DENND5A: variants seen among roughly 807,000 people sequenced by gnomAD.
DENND5A encodes the protein DENN domain containing 5A.
A neutral mutation model predicts 140.3 loss-of-function variants in DENND5A; 64 were observed. That is an observed-to-expected ratio of 0.46 (90% CI 0.37 to 0.56). The LOEUF is 0.56. Among genes scored for constraint, DENND5A ranks in the 20% least tolerant of loss-of-function variants. The pLI, the probability that DENND5A is intolerant of heterozygous loss-of-function variation, is 0.00. For synonymous variants in DENND5A, 605 were observed against 607.7 expected, an observed-to-expected ratio of 1.00 and a Z score of 0.07; for missense variants, 1,292 against 1,593.8, an observed-to-expected ratio of 0.81 and a Z score of 3.22.
chr11:9,243,087 CAAAAAAAAAA>C (rs539119487), intron 1 of DENND5A, among the ~76,000 whole-genome samples: 4 of 66,882 alleles, frequency 6.0e-5, no homozygotes, highest in Non-Finnish European at 1.0e-4. Context: ...GACTCTGTCT[CAAAAAAAAAA>C]AAAAAAACAA....
At position 9,142,074 on chromosome 11, in the gene DENND5A, C is replaced by T. The variant is rs1295270066; in HGVS notation, c.3546G>A (p.Lys1182=). The T allele has an allele frequency of 6.2e-7, 1 of 1,602,590 alleles. No individual in the cohort carries two copies. Among genetic ancestry groups the T allele is most frequent in the Non-Finnish European group, 8.5e-7 (1 of 1,174,810 alleles). The change falls in exon 22 of 23, where the codon AAG becomes AAA. Residue 1182 remains lysine (K), a synonymous_variant. Coordinates refer to ENST00000328194, the MANE Select transcript of DENND5A (RefSeq NM_015213.4). The stretch of plus-strand genomic sequence containing the variant: ...AGTTTTCCTCAGGGACTACTTCATT[C>T]TTCTCTAATGTCTCATAATAGGTTT... The part of the protein sequence containing the change: ...KAQTYYETLE[K]NEVVPEENWH...
In DENND5A at chr11:9,165,965, C is replaced by T. The variant is rs780672339; in HGVS notation, c.2154G>A (p.Lys718=). The T allele has an allele frequency of 6.2e-7, 1 of 1,614,060 alleles. No individual in the cohort carries two copies. ...HLRLDNDQRE[K]YIQEARTMGS... is the part of the protein sequence containing the mutation. ...CCATAGTCCTGGCTTCCTGGATGTA[C>T]TTCTATATCAAACAGAAAAATAAAG... Residue 718 remains lysine, a splice_region_variant and synonymous_variant, in exon 11 of 23, where the codon AAG becomes AAA. Transcript: ENST00000328194.
At position 9,226,121 on chromosome 11, in the gene DENND5A, T is replaced by C. The variant is rs1850519536; in HGVS notation, c.110-18489A>G. On this transcript the variant is annotated intron_variant, in intron 1 of 22. Transcript: ENST00000328194. ...ATCATTATCATCATCATCATCACCA[T>C]TATCATCAATCAGGTCTTTTTCTAA... Among the ~76,000 whole-genome samples, 4 of 152,184 alleles carry C rather than the reference T, an allele frequency of 2.6e-5. No homozygotes were observed. The South Asian group carries it at 6.2e-4, about 24-fold the overall frequency.
chr11:9,241,603 C>G (rs1041086724), intron 1 of DENND5A, among the ~76,000 whole-genome samples: 3 of 152,206 alleles, frequency 2.0e-5, no homozygotes, highest in Admixed American at 6.5e-5. Context: ...CGCACAGGCT[C>G]TTCTCTCTGC....
intron 10 of DENND5A, among the ~76,000 whole-genome samples, chr11:9,167,550 A>G (rs1316884970): frequency 6.6e-6 from 1 of 151,576 alleles, no homozygotes; most frequent in African/African-American, 2.4e-5. Context: ...CACTGAGGCG[A>G]GTGGATCACT....
intron 1 of DENND5A, among the ~76,000 whole-genome samples, chr11:9,250,442 A>G (rs1250500782): frequency 6.6e-6 from 1 of 152,184 alleles, no homozygotes; most frequent in Non-Finnish European, 1.5e-5. Flanking sequence ...CTCTACTGCA[A>G]TGTGGGCTGG....
At chr11:9,153,344 C>CAAAAAAAAAAAA (rs59736475) in intron 12 of DENND5A, among the ~76,000 whole-genome samples, 1 of 27,022 alleles carries the variant, frequency 3.7e-5, no homozygotes, top group Non-Finnish European at 7.0e-5. Context: ...GGCTCCCTCT[C>CAAAAAAAAAAAA]AAAAAAAAAA....
chr11:9,187,288 G>C (rs547876363), intron 5 of DENND5A, among the ~76,000 whole-genome samples: 43 of 152,192 alleles, frequency 2.8e-4, no homozygotes, highest in Non-Finnish European at 5.4e-4. Flanking sequence ...GCTGACGAGG[G>C]GTTACTTCTT....
intron 19 of DENND5A, 40 bp from the exon 20 acceptor site, chr11:9,143,525 G>A (rs773526957): frequency 6.6e-7 from 1 of 1,521,354 alleles, no homozygotes; most frequent in Non-Finnish European, 9.1e-7. Context: ...CAATCTCTGA[G>A]GCTAACAGTG....
chr11:9,241,279 G>A (rs1851224135), intron 1 of DENND5A, among the ~76,000 whole-genome samples: 1 of 152,190 alleles, frequency 6.6e-6, no homozygotes, highest in African/African-American at 2.4e-5. Context: ...TCAAACCTTA[G>A]TATGCATCAG....
At chr11:9,206,616 A>G (rs1489314771) in intron 3 of DENND5A, 57 bp downstream of exon 3, 2 of 1,290,330 alleles carry the variant, frequency 1.5e-6, no homozygotes, top group Non-Finnish European at 2.3e-6. Flanking sequence ...TGAACTCACA[A>G]TCCTATTATA....
intron 5 of DENND5A, among the ~76,000 whole-genome samples, chr11:9,188,679 G>A (rs995756646): frequency 3.9e-5 from 6 of 152,148 alleles, no homozygotes; most frequent in South Asian, 4.1e-4. Context: ...AGAGACTGGC[G>A]GCATTTTGCC....
At chr11:9,207,473 A>C (rs2136216984) in intron 2 of DENND5A, 88 bp downstream of exon 2, 3 of 960,162 alleles carry the variant, frequency 3.1e-6, no homozygotes, top group Middle Eastern at 2.1e-4. Context: ...GAAAGTTAGA[A>C]GGTCAAAGGT....
At chr11:9,233,563 A>C (rs1385016371) in intron 1 of DENND5A, among the ~76,000 whole-genome samples, 1 of 152,124 alleles carries the variant, frequency 6.6e-6, no homozygotes, top group Non-Finnish European at 1.5e-5. Flanking sequence ...AAATATTGAG[A>C]TGAGATCATC....
intron 11 of DENND5A, among the ~76,000 whole-genome samples, chr11:9,164,056 G>GTTTTTTTTTTTTTTTTTTTTTTTTTTTTT (rs768604681): frequency 1.7e-5 from 1 of 57,958 alleles, no homozygotes; most frequent in African/African-American, 6.4e-5. Flanking sequence ...TATTAATCAG[G>GTTTTTTTTTTTTTTTTTTTTTTTTTTTTT]TTTTTTTTTT....
rs891898453 is a variant in DENND5A at position 9,202,071 on chromosome 11, G to A, written c.949+1589C>T. The stretch of plus-strand genomic sequence containing the variant: ...ACTGAGAGAAGCACATCACTTCTAT[G>A]GTATTTTAGGCAAAAATTTATAATC... On this transcript the variant is annotated intron_variant, in intron 4 of 22. Coordinates refer to ENST00000328194, the MANE Select transcript of DENND5A (RefSeq NM_015213.4). Among the ~76,000 whole-genome samples, 3 of 152,148 alleles carry A rather than the reference G, an allele frequency of 2.0e-5. No homozygotes were observed. In the East Asian group the frequency reaches 5.8e-4, roughly 29 times the overall value.
chr11:9,216,430 T>C (rs1332539617), intron 1 of DENND5A, among the ~76,000 whole-genome samples: 1 of 152,132 alleles, frequency 6.6e-6, no homozygotes, highest in African/African-American at 2.4e-5. Context: ...ACCCACAAAA[T>C]CAGAGTGAAG....
In DENND5A at chr11:9,203,698, CAAGTA is replaced by C; in HGVS notation, c.906_910del (p.Phe302LeufsTer67). 1 of 1,613,964 alleles carries C rather than the reference CAAGTA, an allele frequency of 6.2e-7. No homozygotes were observed. Among genetic ancestry groups the C allele is most frequent in the Non-Finnish European group, 8.5e-7 (1 of 1,179,984 alleles). Reference sequence around the variant, plus strand: ...CAGGATTTGAAACTCCAGAAGGGCACAAGTAAAAAGCTGAAACACATTCTCCACCC... The same window carrying C: ...CAGGATTTGAAACTCCAGAAGGGCACAAAAGCTGAAACACATTCTCCACCC... On this transcript the variant is annotated frameshift_variant, in exon 4 of 23. Coordinates refer to ENST00000328194, the MANE Select transcript of DENND5A (RefSeq NM_015213.4). LOFTEE classifies it high-confidence loss of function.
Position 9,206,093 on chromosome 11 carries a change from T to C in DENND5A, c.291+580A>G, listed in dbSNP as rs1025474088. On this transcript the variant is annotated intron_variant, in intron 3 of 22. Transcript: ENST00000328194. The stretch of plus-strand genomic sequence containing the variant: ...GTATGTGTTTATTTAATACTACCCA[T>C]GTAAAGAGTACTGTAAGGATTAAAT... 9.8e-5 allele frequency among the ~76,000 whole-genome samples: 15 copies of C among 152,342 alleles called. No individual in the cohort carries two copies. In the East Asian group the frequency reaches 1.5e-3, roughly 16 times the overall value.
Sources: gnomAD v4.1 joint callset for allele counts (sites outside exome capture counted in the v4.1 genomes callset) on GRCh38, gnomAD v4.1.1 for gene constraint, MANE v1.5 for transcripts, NCBI Gene and HGNC (gene_info 2026-07-23, HGNC 2026-07-21) for gene names.